The following CPNE4 variants were observed in gnomAD, a reference collection of about 807,000 sequenced individuals.
CPNE4 encodes the protein copine-4.
In CPNE4, 25 loss-of-function variants were observed where a neutral mutation model predicts 67.9. The observed-to-expected ratio is 0.37, with a 90% CI of 0.27 to 0.51. The LOEUF (loss-of-function observed/expected upper bound fraction) is 0.51, where lower values mean the gene tolerates loss of function less well. CPNE4 is among the 20% of genes least tolerant of loss of function. The probability of loss-of-function intolerance (pLI) is 0.93; values close to 1 mark genes in which losing one functional copy is unlikely to be tolerated. For missense variants in CPNE4, 464 were observed against 690.8 expected (o/e 0.67, Z 3.68); for synonymous variants, 242 against 244.9 (o/e 0.99, Z 0.11).
chr3:131,986,824 C>T (rs567127083), intron 1 of CPNE4, among the ~76,000 whole-genome samples: 10 of 125,498 alleles, frequency 8.0e-5, no homozygotes, highest in Middle Eastern at 5.2e-3. Context: ...GAGCGAGACT[C>T]GGTCTCAAAA....
At chr3:131,911,246 C>T (rs1405001852) in intron 1 of CPNE4, among the ~76,000 whole-genome samples, 1 of 147,102 alleles carries the variant, frequency 6.8e-6, no homozygotes, top group African/African-American at 2.5e-5. Flanking sequence ...CAGCCAGAAA[C>T]TGAGACTCTC....
intron 1 of CPNE4, among the ~76,000 whole-genome samples, chr3:131,997,854 A>G (rs1457912169): frequency 6.6e-6 from 1 of 152,076 alleles, no homozygotes; most frequent in Non-Finnish European, 1.5e-5. Flanking sequence ...AGAGAAAGGT[A>G]GAAAGTTTTT....
intron 1 of CPNE4, among the ~76,000 whole-genome samples, chr3:131,935,491 T>C (rs1489570075): frequency 6.6e-6 from 1 of 151,786 alleles, no homozygotes; most frequent in African/African-American, 2.4e-5. Flanking sequence ...ATAGAATAAA[T>C]GGGGTAGAGG....
upstream of CPNE4, among the ~76,000 whole-genome samples, chr3:132,036,083 C>A (rs1165104423): frequency 1.3e-5 from 2 of 152,160 alleles, no homozygotes; most frequent in East Asian, 3.8e-4. Context: ...ACAGAAATAT[C>A]TTTGATAAAC....
At chr3:131,760,599 G>C (rs1430814272) in intron 2 of CPNE4, among the ~76,000 whole-genome samples, 2 of 152,064 alleles carry the variant, frequency 1.3e-5, no homozygotes, top group African/African-American at 2.4e-5. Context: ...CTCCCAAAGA[G>C]AGAGTCACCC....
At chr3:131,814,101 C>T (rs778617327) in intron 2 of CPNE4, among the ~76,000 whole-genome samples, 24 of 152,134 alleles carry the variant, frequency 1.6e-4, no homozygotes, top group Middle Eastern at 3.4e-3. Context: ...AACATAGGCA[C>T]CTATATACAT....
intron 15 of CPNE4, among the ~76,000 whole-genome samples, chr3:131,538,116 A>G (rs1039708022): frequency 6.6e-6 from 1 of 152,224 alleles, no homozygotes; most frequent in Non-Finnish European, 1.5e-5. Context: ...TCCCTGTAAG[A>G]TGGATTTACT....
chr3:131,887,397 C>T (rs1429961330), intron 2 of CPNE4, among the ~76,000 whole-genome samples: 1 of 152,118 alleles, frequency 6.6e-6, no homozygotes, highest in Non-Finnish European at 1.5e-5. Context: ...TCAGGTATGT[C>T]TTTATCAGCA....
Position 131,883,376 on chromosome 3 carries a change from T to C in CPNE4, c.180+21888A>G, listed in dbSNP as rs527465489. 7.3e-4 allele frequency among the ~76,000 whole-genome samples: 111 copies of C among 152,304 alleles called. No individual in the cohort carries two copies. The South Asian group carries it at 8.1e-3, about 11-fold the overall frequency. Reference sequence around the variant, plus strand: ...CAATTCATTAGCAAAGTCTATGGGGTGTGCTTTTACAATTCAGCTCATTTT... The same window carrying C: ...CAATTCATTAGCAAAGTCTATGGGGCGTGCTTTTACAATTCAGCTCATTTT... On this transcript the variant is annotated intron_variant, in intron 2 of 15. Transcript: ENST00000429747.
At chr3:131,596,852 C>A (rs1938911132) in intron 7 of CPNE4, among the ~76,000 whole-genome samples, 1 of 152,086 alleles carries the variant, frequency 6.6e-6, no homozygotes. Context: ...CAGCCCCCAA[C>A]AATAGCCAAT....
chr3:132,027,512 C>T (rs1206111741), intron 1 of CPNE4, among the ~76,000 whole-genome samples: 1 of 80,234 alleles, frequency 1.2e-5, no homozygotes, highest in Non-Finnish European at 3.0e-5. Context: ...CTTATCGTGC[C>T]TTTTCTCCAA....
intron 2 of CPNE4, among the ~76,000 whole-genome samples, chr3:131,799,320 A>G (rs2084007883): frequency 6.6e-6 from 1 of 152,072 alleles, no homozygotes; most frequent in African/African-American, 2.4e-5. Flanking sequence ...TATTACCACT[A>G]TTATAATCTC....
At chr3:131,926,559 A>T (rs1011867716) in intron 1 of CPNE4, among the ~76,000 whole-genome samples, 2 of 152,132 alleles carry the variant, frequency 1.3e-5, no homozygotes, top group African/African-American at 2.4e-5. Flanking sequence ...GGAGGAGATG[A>T]ACCCAGAAAT....
intron 2 of CPNE4, among the ~76,000 whole-genome samples, chr3:131,755,197 A>ATTT (rs556616086): frequency 6.9e-6 from 1 of 143,896 alleles, no homozygotes. Context: ...GGAATAGGTA[A>ATTT]TTTTTTTTTT....
chr3:131,540,337 G>C (rs1935410134), intron 15 of CPNE4, among the ~76,000 whole-genome samples: 1 of 152,216 alleles, frequency 6.6e-6, no homozygotes, highest in South Asian at 2.1e-4. Context: ...GGAATGTGCA[G>C]TTACTTCCCT....
At chr3:131,556,032 T>A (rs75723738) in intron 11 of CPNE4, among the ~76,000 whole-genome samples, 1 of 152,040 alleles carries the variant, frequency 6.6e-6, no homozygotes, top group Non-Finnish European at 1.5e-5. Context: ...ATGCCACTAA[T>A]TAGAGCTAGA....
chr3:131,805,681 G>A (rs76631070), intron 2 of CPNE4, among the ~76,000 whole-genome samples: 1 of 152,276 alleles, frequency 6.6e-6, no homozygotes, highest in African/African-American at 2.4e-5. Context: ...CATGTAACCT[G>A]GGATTCCTCA....
At chr3:131,840,942 CCCA>C (rs2085756131) in intron 2 of CPNE4, among the ~76,000 whole-genome samples, 1 of 152,162 alleles carries the variant, frequency 6.6e-6, no homozygotes, top group African/African-American at 2.4e-5. Context: ...CCTGCCTGCA[CCCA>C]CACATTTCTC....
chr3:131,553,679 TAAAC>T (rs772497655), intron 12 of CPNE4, among the ~76,000 whole-genome samples: 82 of 152,234 alleles, frequency 5.4e-4, no homozygotes, highest in Non-Finnish European at 9.6e-4. Flanking sequence ...ACCTTTTAAA[TAAAC>T]TATTTGCATC....
Sources: gnomAD v4.1 joint callset for allele counts (sites outside exome capture counted in the v4.1 genomes callset) on GRCh38, gnomAD v4.1.1 for gene constraint, MANE v1.5 for transcripts, NCBI Gene and HGNC (gene_info 2026-07-23, HGNC 2026-07-21) for gene names.